MYBPC2: variants seen among roughly 807,000 people sequenced by gnomAD.
MYBPC2 encodes the protein myosin binding protein C2, also known as myosin-binding protein C, fast-type.
Under a neutral mutation model 137.0 loss-of-function variants are expected in MYBPC2, and 122 were observed. The observed-to-expected ratio is 0.89, with a 90% CI of 0.77 to 1.03. The LOEUF is 1.03. MYBPC2 is among the 50% of genes least tolerant of loss of function. The pLI is 0.00. For synonymous variants in MYBPC2, 626 were observed against 612.3 expected (o/e 1.02, Z -0.33); for missense variants, 1,500 against 1,534.4 (o/e 0.98, Z 0.37).
In MYBPC2 at chr19:50,436,619, G is replaced by A. The variant is rs753493459; in HGVS notation, c.348G>A (p.Val116=). The change falls in exon 5 of 28, where the codon GTG becomes GTA. Residue 116 remains valine, a splice_region_variant and synonymous_variant. Coordinates refer to ENST00000357701, the MANE Select transcript of MYBPC2 (RefSeq NM_004533.4). ...FKESHNSASN[V]YTVELHIGKV... Reference sequence around the variant, plus strand: ...CACACCCCCGGCCCTGGACCCAGGTGTACACCGTGGAGCTGCACATTGGGA... The same window carrying A: ...CACACCCCCGGCCCTGGACCCAGGTATACACCGTGGAGCTGCACATTGGGA... The A allele has an allele frequency of 3.7e-6, 6 of 1,613,704 alleles. No individual in the cohort carries two copies. In the African/African-American group the frequency reaches 4.0e-5, roughly 11 times the overall value.
intron 6 of MYBPC2, 42 bp downstream of exon 6, chr19:50,437,563 G>A: frequency 6.2e-7 from 1 of 1,602,152 alleles, no homozygotes; most frequent in Non-Finnish European, 8.5e-7. Flanking sequence ...AAGGACCATG[G>A]GAGGCTCTCC....
intron 13 of MYBPC2, among the ~76,000 whole-genome samples, chr19:50,449,357 G>T (rs775673392): frequency 1.3e-5 from 2 of 152,156 alleles, no homozygotes; most frequent in Admixed American, 6.5e-5. Flanking sequence ...CGCCCAGCAC[G>T]CCGCTCCCTA....
At position 50,466,263 on chromosome 19, in the gene MYBPC2, C is replaced by T; in HGVS notation, c.*58C>T. The T allele has an allele frequency of 6.2e-7, 1 of 1,609,024 alleles. No individual in the cohort carries two copies. The highest frequency in any genetic ancestry group is 8.5e-7 in the Non-Finnish European group (1 of 1,175,684). ...GTGGAGTCCTGACCCCAATCCCCAA[C>T]CTCCCAGGACTGTGTTCTTTCTGGA... On this transcript the variant is annotated 3_prime_UTR_variant, in exon 28 of 28. Transcript: ENST00000357701. This position sits in a 1 kb window ranked among gnomAD's most constrained non-coding sequence, Gnocchi z 4.9.
At chr19:50,434,726 G>T (rs1277239376) in intron 1 of MYBPC2, among the ~76,000 whole-genome samples, 1 of 152,202 alleles carries the variant, frequency 6.6e-6, no homozygotes, top group African/African-American at 2.4e-5. Context: ...AGGCTGTGGG[G>T]TGGGTCCAGC....
intron 7 of MYBPC2, among the ~76,000 whole-genome samples, chr19:50,438,945 C>A (rs2039727420): frequency 6.6e-6 from 1 of 152,080 alleles, no homozygotes; most frequent in Non-Finnish European, 1.5e-5. Context: ...TTCACTTGCC[C>A]ATCAATCCCC....
Position 50,455,635 on chromosome 19 carries a change from C to T in MYBPC2, c.2329C>T (p.Leu777=), listed in dbSNP as rs756643951. 1 of 1,613,792 alleles carries T rather than the reference C, an allele frequency of 6.2e-7. No homozygotes were observed. The highest frequency in any genetic ancestry group is 1.1e-5 in the South Asian group (1 of 91,070). The part of the protein sequence containing the change: ...GIDGYLVEYC[L]EGSEEWVPAN... ...CGATGGGTACCTGGTGGAGTACTGC[C>T]TGGAAGGCTGTGAGTGACCCTGGCA... The change falls in exon 20 of 28, where the codon CTG becomes TTG. Residue 777 remains leucine (L), a synonymous_variant. Coordinates refer to ENST00000357701, the MANE Select transcript of MYBPC2 (RefSeq NM_004533.4).
chr19:50,447,197 C>T (rs1192711463), intron 12 of MYBPC2, among the ~76,000 whole-genome samples: 2 of 152,126 alleles, frequency 1.3e-5, no homozygotes, highest in African/African-American at 2.4e-5. Context: ...AGAAACAGGT[C>T]TGTGGTCTGA....
At chr19:50,452,266 C>A (rs191413223) in intron 16 of MYBPC2, among the ~76,000 whole-genome samples, 15 of 152,314 alleles carry the variant, frequency 9.8e-5, no homozygotes, top group African/African-American at 3.4e-4. Flanking sequence ...GTAACTCATC[C>A]GCCCATCCAG....
intron 16 of MYBPC2, among the ~76,000 whole-genome samples, chr19:50,453,029 A>T (rs914456341): frequency 6.6e-6 from 1 of 152,134 alleles, no homozygotes; most frequent in Admixed American, 6.5e-5. Context: ...TACATCCCCT[A>T]AAGTTTTCTC....
At chr19:50,440,013 G>T (rs920607063) in intron 7 of MYBPC2, among the ~76,000 whole-genome samples, 1 of 152,152 alleles carries the variant, frequency 6.6e-6, no homozygotes, top group African/African-American at 2.4e-5. Context: ...AGAGCCTGAA[G>T]TGTTCAGCAA....
intron 15 of MYBPC2, among the ~76,000 whole-genome samples, 192 bp downstream of exon 15, chr19:50,451,501 G>A (rs1391384398): frequency 6.8e-6 from 1 of 146,874 alleles, no homozygotes; most frequent in Admixed American, 6.8e-5. Flanking sequence ...GCTGACAGAC[G>A]GGGTGGGGGC....
chr19:50,464,591 G>C, intron 27 of MYBPC2, 59 bp downstream of exon 27: 1 of 1,513,940 alleles, frequency 6.6e-7, no homozygotes, highest in South Asian at 1.3e-5. Flanking sequence ...GTGCCAGCCT[G>C]GCCGGTGGCC....
At chr19:50,441,422 C>T (rs1407147716) in intron 8 of MYBPC2, among the ~76,000 whole-genome samples, 1 of 152,160 alleles carries the variant, frequency 6.6e-6, no homozygotes, top group African/African-American at 2.4e-5. Context: ...GCTCCTTAAT[C>T]TCTAGGTAAT....
rs376193301 is a variant in MYBPC2 at position 50,458,708 on chromosome 19, C to G, written c.2460C>G (p.Ser820Arg). The G allele has an allele frequency of 1.6e-5, 25 of 1,609,990 alleles. No homozygotes were observed. The highest frequency in any genetic ancestry group is 1.9e-5 in the Non-Finnish European group (23 of 1,179,856). The change falls in exon 21 of 28, where the codon AGC becomes AGG. Residue 820 changes from serine to arginine, a missense_variant. Ser to Arg is a moderately radical substitution (Grantham distance 110, BLOSUM62 -1). Transcript: ENST00000357701. ...RVVGVNIAGR[S>R]EPATLAQPVT... ...TTGGGGTCAACATCGCGGGGCGCAG[C>G]GAGCCGGCCACCCTGGCCCAGCCGG...
Position 50,437,517 on chromosome 19 carries a change from C to T in MYBPC2, c.508C>T (p.Arg170Cys), listed in dbSNP as rs369947013. The change falls in exon 6 of 28, where the codon CGT becomes TGT. Residue 170 changes from arginine (R) to cysteine (C), a missense_variant. By Grantham distance (180) the Arg-to-Cys change is radical. Transcript: ENST00000357701. ...TGGGCAGAGTCTAGAAAGCTTCAAG[C>T]GTACGTAAGTGACCCCAGGCCCTTA... Reference protein sequence around the residue: ...ASGQSLESFKRTSEKKSDTAG... With the variant: ...ASGQSLESFKCTSEKKSDTAG... 7.5e-6 allele frequency: 12 copies of T among 1,610,294 alleles called. No individual in the cohort carries two copies. The highest frequency in any genetic ancestry group is 4.0e-5 in the African/African-American group (3 of 74,822).
chr19:50,460,846 C>A (rs926830213), intron 24 of MYBPC2, among the ~76,000 whole-genome samples: 1 of 151,836 alleles, frequency 6.6e-6, no homozygotes, highest in Admixed American at 6.6e-5. Context: ...AATACAGGCA[C>A]GTGCCACCAC....
chr19:50,433,333 G>C (rs951162417), intron 1 of MYBPC2, among the ~76,000 whole-genome samples: 1 of 151,962 alleles, frequency 6.6e-6, no homozygotes, highest in East Asian at 1.9e-4. Flanking sequence ...TTGTAAATTG[G>C]GTTCCTTTTG....
intron 23 of MYBPC2, 46 bp downstream of exon 23, chr19:50,459,352 T>G (rs1601296799): frequency 2.4e-6 from 3 of 1,261,878 alleles, no homozygotes; most frequent in Non-Finnish European, 2.0e-6. Flanking sequence ...GGGGCAGGGA[T>G]GGGCAGCGAT....
chr19:50,440,904 G>GAAGAAA lies in MYBPC2; in HGVS notation c.604_609dup (p.Lys202_Lys203dup). The GAAGAAA allele has an allele frequency of 6.2e-7, 1 of 1,613,340 alleles. No homozygotes were observed. The highest frequency in any genetic ancestry group is 8.5e-7 in the Non-Finnish European group (1 of 1,179,600). ...GGGAGGTGGTGGAGGAGGAGAAGAAGAAGAAAAAGAAAGATGACGATGACC... is the reference window on the plus strand; with the variant it reads ...GGGAGGTGGTGGAGGAGGAGAAGAAGAAGAAAAAGAAAAAGAAAGATGACGATGACC... On this transcript the variant is annotated inframe_insertion, in exon 8 of 28. Coordinates refer to ENST00000357701, the MANE Select transcript of MYBPC2 (RefSeq NM_004533.4).
Sources: gnomAD v4.1 joint callset for allele counts (sites outside exome capture counted in the v4.1 genomes callset) on GRCh38, gnomAD v4.1.1 for gene constraint, Gnocchi (gnomAD v3.1) non-coding constraint, MANE v1.5 for transcripts, NCBI Gene and HGNC (gene_info 2026-07-23, HGNC 2026-07-21) for gene names.